SYNPR: variants seen among roughly 807,000 people sequenced by gnomAD.
The protein encoded by SYNPR is synaptoporin.
A neutral mutation model predicts 32.9 loss-of-function variants in SYNPR; 23 were observed. The ratio of observed to expected loss-of-function variants is 0.70; its 90% CI spans 0.50 to 0.99. SYNPR has a LOEUF of 0.99. Ranked by LOEUF, SYNPR falls within the 50% of genes least tolerant of loss-of-function variation. The pLI is 0.00. For missense variants in SYNPR, 318 were observed against 349.3 expected (o/e 0.91, Z 0.71); for synonymous variants, 146 against 135.9 (o/e 1.07, Z -0.52).
intron 4 of SYNPR, among the ~76,000 whole-genome samples, chr3:63,608,841 A>T (rs1365084083): frequency 6.6e-6 from 1 of 152,190 alleles, no homozygotes; most frequent in Admixed American, 6.5e-5. Flanking sequence ...CCTTACAGGG[A>T]TGTTGTAGGA....
chr3:63,328,530 G>A (rs1190288103), intron 2 of SYNPR, among the ~76,000 whole-genome samples: 1 of 152,146 alleles, frequency 6.6e-6, no homozygotes, highest in East Asian at 1.9e-4. Context: ...ACAATCATGT[G>A]TTTTGTAAAT....
At chr3:63,544,586 T>C (rs1702366533) in intron 3 of SYNPR, among the ~76,000 whole-genome samples, 1 of 152,088 alleles carries the variant, frequency 6.6e-6, no homozygotes, top group African/African-American at 2.4e-5. Flanking sequence ...AGTTATTACA[T>C]GAATAATGAA....
At position 63,584,465 on chromosome 3, in the gene SYNPR, G is replaced by A. The variant is rs531233545; in HGVS notation, c.409-24660G>A. 3.4e-4 allele frequency among the ~76,000 whole-genome samples: 52 copies of A among 152,112 alleles called. 1 individual carries two copies. Among genetic ancestry groups the A allele is most frequent in the African/African-American group, 1.1e-3 (46 of 41,518 alleles). On this transcript the variant is annotated intron_variant, in intron 4 of 5. Transcript: ENST00000478300. ...TAACCAGATTTAGCTGGCGAGATTTGGCTGGGTATACAGGAACTGCCATCA... is the reference window on the plus strand; with the variant it reads ...TAACCAGATTTAGCTGGCGAGATTTAGCTGGGTATACAGGAACTGCCATCA...
chr3:63,612,289 T>G (rs1700210201), intron 5 of SYNPR, among the ~76,000 whole-genome samples: 1 of 152,148 alleles, frequency 6.6e-6, no homozygotes, highest in Admixed American at 6.5e-5. Flanking sequence ...CAACTGAAAA[T>G]GGCTACTAAA....
chr3:63,558,901 A>G (rs1702637233), intron 4 of SYNPR, among the ~76,000 whole-genome samples: 1 of 152,058 alleles, frequency 6.6e-6, no homozygotes, highest in Non-Finnish European at 1.5e-5. Context: ...GAAGTATAAT[A>G]AAAATACAAA....
At chr3:63,408,242 AAAG>A (rs2088399961) in intron 2 of SYNPR, among the ~76,000 whole-genome samples, 1 of 116,166 alleles carries the variant, frequency 8.6e-6, no homozygotes, top group Non-Finnish European at 1.7e-5. Context: ...AGAAAGAAAG[AAAG>A]AAAGAAAGAA....
chr3:63,387,807 C>T lies in SYNPR; in HGVS notation c.85-93025C>T, dbSNP rs114641750. ...GAGGTTACAAAGCAGCCTTGAAGTGCGGGAGAATTGGGTGGCGGAGGGACA... is the reference window on the plus strand; with the variant it reads ...GAGGTTACAAAGCAGCCTTGAAGTGTGGGAGAATTGGGTGGCGGAGGGACA... On this transcript the variant is annotated intron_variant, in intron 2 of 5. Coordinates refer to ENST00000478300, the MANE Select transcript of SYNPR (RefSeq NM_001130003.2). 7.8e-3 allele frequency among the ~76,000 whole-genome samples: 1,190 copies of T among 152,190 alleles called. 12 individuals carry two copies. The highest frequency in any genetic ancestry group is 0.013 in the Non-Finnish European group (912 of 68,010).
At chr3:63,209,784 T>C in the SYNPR span, among the ~76,000 whole-genome samples, 118,233 of 152,162 alleles carry the variant, frequency 0.78, 46,427 homozygotes, top group Middle Eastern at 0.86. Context: ...TCCTAAACTT[T>C]GACATATTGG....
At chr3:63,592,549 G>T (rs2106877804) in intron 4 of SYNPR, among the ~76,000 whole-genome samples, 1 of 152,202 alleles carries the variant, frequency 6.6e-6, no homozygotes, top group Non-Finnish European at 1.5e-5. Flanking sequence ...TTAGGAACCT[G>T]TAGGAAGGAG....
intron 3 of SYNPR, among the ~76,000 whole-genome samples, chr3:63,538,361 G>A (rs558600623): frequency 3.3e-5 from 5 of 151,628 alleles, no homozygotes; most frequent in Admixed American, 6.6e-5. Flanking sequence ...AATGGAAGGA[G>A]GCCAAAGTGC....
chr3:63,278,302 C>T, upstream of SYNPR: 1 of 579,824 alleles, frequency 1.7e-6, no homozygotes, highest in South Asian at 2.5e-5. Context: ...CAGCTCTTCC[C>T]TGCCCACCCC....
chr3:63,201,043 CT>C, the SYNPR span, among the ~76,000 whole-genome samples: 1 of 152,094 alleles, frequency 6.6e-6, no homozygotes, highest in East Asian at 1.9e-4. Context: ...GGATTAGGTT[CT>C]GAAATTAGCT....
intron 2 of SYNPR, among the ~76,000 whole-genome samples, chr3:63,259,595 T>C (rs1424811267): frequency 6.6e-6 from 1 of 152,218 alleles, no homozygotes; most frequent in Non-Finnish European, 1.5e-5. Context: ...GAGCTATCTA[T>C]GACAAACCCA....
chr3:63,479,525 G>T (rs1701003691), intron 2 of SYNPR, among the ~76,000 whole-genome samples: 1 of 151,826 alleles, frequency 6.6e-6, no homozygotes, highest in African/African-American at 2.4e-5. Flanking sequence ...CCTTGTTATC[G>T]TCAGCCAGTC....
the SYNPR span, among the ~76,000 whole-genome samples, chr3:63,211,556 A>C: frequency 6.6e-6 from 1 of 152,146 alleles, no homozygotes; most frequent in Non-Finnish European, 1.5e-5. Context: ...TCTAGTTTCC[A>C]TCTGCCTCGG....
intron 2 of SYNPR, among the ~76,000 whole-genome samples, chr3:63,447,160 G>T (rs1027919794): frequency 6.6e-6 from 1 of 152,062 alleles, no homozygotes; most frequent in African/African-American, 2.4e-5. Context: ...GCCATCAAAC[G>T]AAAACTTTTA....
At chr3:63,340,641 G>A (rs923027582) in intron 2 of SYNPR, among the ~76,000 whole-genome samples, 11 of 151,754 alleles carry the variant, frequency 7.2e-5, no homozygotes, top group Non-Finnish European at 1.5e-4. Flanking sequence ...GGATGGTCTC[G>A]ATCTCCTGAC....
intron 2 of SYNPR, among the ~76,000 whole-genome samples, chr3:63,428,171 T>A (rs1021592595): frequency 1.3e-5 from 2 of 152,210 alleles, no homozygotes; most frequent in African/African-American, 4.8e-5. Context: ...TTATGTATCA[T>A]CTTGAGTATT....
At position 63,506,133 on chromosome 3, in the gene SYNPR, T is replaced by C. The variant is rs80320297; in HGVS notation, c.209+25177T>C. ...TGCTTTTTTCCTTCTCTCTCTCCCT[T>C]CCTCTCTTCCCTTTTCCTCCGCTCT... is the stretch of plus-strand genomic sequence containing the variant. On this transcript the variant is annotated intron_variant, in intron 3 of 5. Transcript: ENST00000478300. 5.7e-3 allele frequency among the ~76,000 whole-genome samples: 859 copies of C among 151,796 alleles called. 60 individuals carry two copies. In the East Asian group the frequency reaches 0.14, roughly 25 times the overall value.
Sources: allele counts gnomAD v4.1 joint callset (sites outside exome capture counted in the v4.1 genomes callset), GRCh38; gene constraint gnomAD v4.1.1; transcripts MANE v1.5; gene names NCBI Gene and HGNC (gene_info 2026-07-23, HGNC 2026-07-21).